ART1: variants seen among roughly 807,000 people sequenced by gnomAD.
ART1 encodes the protein GPI-linked NAD(P)(+)--arginine ADP-ribosyltransferase 1.
ART1 carries 29 observed loss-of-function variants against 27.0 expected under a neutral mutation model. The ratio of observed to expected loss-of-function variants is 1.08; its 90% CI spans 0.80 to 1.47. The LOEUF (loss-of-function observed/expected upper bound fraction) is 1.47, where lower values mean the gene tolerates loss of function less well. ART1 is among the 40% of genes most tolerant of loss of function. The pLI, the probability that ART1 is intolerant of heterozygous loss-of-function variation, is 0.00. For missense variants in ART1, 480 were observed against 423.0 expected (o/e 1.13, Z -1.18); for synonymous variants, 201 against 172.2 (o/e 1.17, Z -1.31).
intron 1 of ART1, among the ~76,000 whole-genome samples, chr11:3,652,937 C>G (rs1022496271): frequency 8.0e-5 from 12 of 149,076 alleles, no homozygotes; most frequent in Non-Finnish European, 1.6e-4. Context: ...CTGTTTTTCT[C>G]CTTCTCTTAT....
intron 3 of ART1, among the ~76,000 whole-genome samples, chr11:3,660,622 C>A (rs373559116): frequency 1.3e-5 from 2 of 152,214 alleles, no homozygotes; most frequent in Non-Finnish European, 2.9e-5. Flanking sequence ...GCCAACGCAG[C>A]GGTCTCTGGC....
rs1331666210 is a variant in ART1, at chr11:3,661,243, G to C, written c.845-129G>C. 3 of 783,420 alleles carry C rather than the reference G, an allele frequency of 3.8e-6. No individual in the cohort carries two copies. In the African/African-American group the frequency reaches 5.3e-5, roughly 14 times the overall value. The allele number at this position is 783,420 out of a possible 1,614,324, so 48.5% of individuals were successfully genotyped here. ...AGTCAAGGGAGGTTCCACCATGAAA[G>C]AGCAGAATTAGGGGGAAATGCACCA... On this transcript the variant is annotated intron_variant, in intron 3 of 4. Transcript: ENST00000250693.
intron 1 of ART1, among the ~76,000 whole-genome samples, chr11:3,654,817 C>G (rs2077556608): frequency 6.6e-6 from 1 of 152,182 alleles, no homozygotes; most frequent in Non-Finnish European, 1.5e-5. Context: ...GTCCTCACTG[C>G]CATTCTCTTA....
intron 1 of ART1, 78 bp from the exon 2 acceptor site, chr11:3,659,084 C>A: frequency 1.2e-6 from 1 of 857,814 alleles, no homozygotes; most frequent in Non-Finnish European, 1.9e-6. Context: ...ACTCTCAGTG[C>A]CAAGCACTAG....
At chr11:3,652,301 C>A (rs2077530005) in intron 1 of ART1, among the ~76,000 whole-genome samples, 1 of 150,974 alleles carries the variant, frequency 6.6e-6, no homozygotes, top group Admixed American at 6.6e-5. Context: ...AGACATAATT[C>A]CTCAGTTTAG....
At chr11:3,654,668 CCTACCT>C (rs1227931464) in intron 1 of ART1, among the ~76,000 whole-genome samples, 193 of 2,160 alleles carry the variant, frequency 0.089, 79 homozygotes, top group Middle Eastern at 1. Context: ...AATTCCACCT[CCTACCT>C]CTGTCTATCC....
chr11:3,651,780 T>C (rs1025998336), intron 1 of ART1, among the ~76,000 whole-genome samples: 41 of 151,926 alleles, frequency 2.7e-4, no homozygotes, highest in African/African-American at 9.2e-4. Context: ...TGGCCCGGAC[T>C]TCAATCCGGC....
intron 1 of ART1, among the ~76,000 whole-genome samples, chr11:3,653,087 G>C (rs1232631450): frequency 8.1e-5 from 12 of 148,042 alleles, no homozygotes; most frequent in Non-Finnish European, 1.5e-5. Flanking sequence ...TCCCACTCGA[G>C]GTTCCCACGC....
intron 1 of ART1, among the ~76,000 whole-genome samples, chr11:3,656,083 A>C (rs547898406): frequency 4.0e-4 from 61 of 151,782 alleles, no homozygotes; most frequent in African/African-American, 1.4e-3. Context: ...CAAGCGCACA[A>C]CACCACGCCC....
chr11:3,659,512 G>C, intron 2 of ART1, 71 bp from the exon 3 acceptor site: 1 of 1,501,034 alleles, frequency 6.7e-7, no homozygotes. Context: ...GTGGAGGGGA[G>C]AGCTGGATGG....
intron 4 of ART1, among the ~76,000 whole-genome samples, chr11:3,663,076 A>ATCATC (rs1554883213): frequency 2.7e-5 from 2 of 74,602 alleles, no homozygotes; most frequent in Non-Finnish European, 5.0e-5. Flanking sequence ...ATCTCATCTC[A>ATCATC]TCATCTCATC....
chr11:3,648,976 A>G (rs187342253), intron 1 of ART1, among the ~76,000 whole-genome samples: 18 of 100,218 alleles, frequency 1.8e-4, no homozygotes, highest in African/African-American at 5.8e-4. Context: ...CCTTATTTCC[A>G]CGCCCCGACC....
intron 4 of ART1, among the ~76,000 whole-genome samples, chr11:3,662,747 G>A (rs2077629196): frequency 6.6e-6 from 1 of 152,234 alleles, no homozygotes. Context: ...GGGAGACTGA[G>A]GCAGGAGAAT....
intron 1 of ART1, among the ~76,000 whole-genome samples, chr11:3,654,810 C>T (rs1589920481): frequency 6.6e-6 from 1 of 152,142 alleles, no homozygotes; most frequent in Non-Finnish European, 1.5e-5. Flanking sequence ...TCTGTCTGTC[C>T]TCACTGCCAT....
At chr11:3,657,784 C>T (rs913669358) in intron 1 of ART1, among the ~76,000 whole-genome samples, 1 of 152,026 alleles carries the variant, frequency 6.6e-6, no homozygotes, top group African/African-American at 2.4e-5. Context: ...AACATGCACA[C>T]ACATAGAGAA....
intron 1 of ART1, among the ~76,000 whole-genome samples, chr11:3,653,584 T>C (rs973034957): frequency 4.6e-5 from 7 of 152,182 alleles, no homozygotes; most frequent in African/African-American, 1.2e-4. Flanking sequence ...GATTAAAAGC[T>C]TTATTGCTCA....
intron 1 of ART1, among the ~76,000 whole-genome samples, chr11:3,657,961 G>A (rs2077587021): frequency 2.0e-5 from 3 of 152,156 alleles, no homozygotes; most frequent in South Asian, 2.1e-4. Flanking sequence ...TGACATGGAA[G>A]GAAGTTAATA....
chr11:3,653,559 C>A (rs1589919587), intron 1 of ART1, among the ~76,000 whole-genome samples: 1 of 152,100 alleles, frequency 6.6e-6, no homozygotes, highest in African/African-American at 2.4e-5. Flanking sequence ...GGACTCAGTC[C>A]ACCTGCACTC....
chr11:3,660,131 C>T lies in ART1; in HGVS notation c.612C>T (p.Ser204=), dbSNP rs779643913. Residue 204 remains serine, a synonymous_variant, in exon 3 of 5, where the codon TCC becomes TCT. Transcript: ENST00000250693. ...GGCTGGGGGGCTTTGCTTCTGCCTCCCTGAAGCATGTTGCAGCCCAGCAGT... is the reference window on the plus strand; with the variant it reads ...GGCTGGGGGGCTTTGCTTCTGCCTCTCTGAAGCATGTTGCAGCCCAGCAGT... ...TVRLGGFASA[S]LKHVAAQQFG... is the part of the protein sequence containing the mutation. 8 of 1,613,834 alleles carry T rather than the reference C, an allele frequency of 5.0e-6. No homozygotes were observed. The South Asian group carries it at 7.7e-5, about 16-fold the overall frequency.
Sources: gnomAD v4.1 joint callset for allele counts (sites outside exome capture counted in the v4.1 genomes callset) on GRCh38, gnomAD v4.1.1 for gene constraint, MANE v1.5 for transcripts, NCBI Gene and HGNC (gene_info 2026-07-23, HGNC 2026-07-21) for gene names.